PRIMA1: variants seen among roughly 807,000 people sequenced by gnomAD.
PRIMA1 encodes proline rich membrane anchor 1.
A neutral mutation model predicts 17.5 loss-of-function variants in PRIMA1; 7 were observed. That is an observed-to-expected ratio of 0.40 (90% CI 0.23 to 0.75). PRIMA1 has a LOEUF of 0.75. Ranked by LOEUF, PRIMA1 falls within the 30% of genes least tolerant of loss-of-function variation. PRIMA1 has a pLI of 0.37. For synonymous variants in PRIMA1, 97 were observed against 77.9 expected, an observed-to-expected ratio of 1.25 and a Z score of -1.29; for missense variants, 200 against 201.8, an observed-to-expected ratio of 0.99 and a Z score of 0.05.
At chr14:93,747,427 AT>A (rs2076225537) in intron 3 of PRIMA1, among the ~76,000 whole-genome samples, 1 of 152,058 alleles carries the variant, frequency 6.6e-6, no homozygotes, top group African/African-American at 2.4e-5. Context: ...GGAAATGGAA[AT>A]GGTGGGGATG....
At chr14:93,787,537 TG>T (rs144186506) in intron 2 of PRIMA1, 88 bp downstream of exon 2, 139,455 of 1,521,936 alleles carry the variant, frequency 0.092, 7,066 homozygotes, top group South Asian at 0.14. Flanking sequence ...GTGGGGTGGC[TG>T]CAAGAGGCCA....
At chr14:93,760,968 A>G (rs7158403) in intron 3 of PRIMA1, among the ~76,000 whole-genome samples, 22,861 of 151,844 alleles carry the variant, frequency 0.15, 2,949 homozygotes, top group African/African-American at 0.35. Context: ...CTCAGATGCC[A>G]GTGATTGTCT....
intron 3 of PRIMA1, among the ~76,000 whole-genome samples, chr14:93,767,454 T>A (rs1450246015): frequency 6.6e-6 from 1 of 152,082 alleles, no homozygotes; most frequent in Non-Finnish European, 1.5e-5. Flanking sequence ...CACTATCAGG[T>A]CCCAGAGCCC....
At chr14:93,775,275 GAC>G (rs1379868265) in intron 3 of PRIMA1, among the ~76,000 whole-genome samples, 2 of 152,250 alleles carry the variant, frequency 1.3e-5, no homozygotes, top group Admixed American at 6.5e-5. Context: ...TTCTGCAAAT[GAC>G]AGTCCACTGG....
chr14:93,762,569 CT>C (rs947213559), intron 3 of PRIMA1, among the ~76,000 whole-genome samples: 1 of 152,146 alleles, frequency 6.6e-6, no homozygotes, highest in African/African-American at 2.4e-5. Flanking sequence ...CACATCCCCC[CT>C]GGTGCCACCT....
intron 2 of PRIMA1, among the ~76,000 whole-genome samples, chr14:93,781,002 G>GC (rs34370848): frequency 0.049 from 7,391 of 152,304 alleles, 549 homozygotes; most frequent in African/African-American, 0.16. Context: ...GGCAGGGAGA[G>GC]CCCCCCGGGG....
intron 3 of PRIMA1, among the ~76,000 whole-genome samples, chr14:93,756,263 C>T (rs1374605437): frequency 2.0e-5 from 3 of 152,078 alleles, no homozygotes; most frequent in East Asian, 3.8e-4. Flanking sequence ...AAACACTGGG[C>T]GTGGCTCATT....
Position 93,779,207 on chromosome 14 carries a change from G to A in PRIMA1, c.198C>T (p.Pro66=). 7.4e-7 allele frequency: 1 copy of A among 1,349,520 alleles called. No homozygotes were observed. The highest frequency in any genetic ancestry group is 9.8e-7 in the Non-Finnish European group (1 of 1,020,248). 83.6% of individuals were successfully genotyped at this position (1,349,520 alleles called of 1,614,324 possible). ...PPPPLPPPPP[P]PPPPRLLSAP... Reference sequence around the variant, plus strand: ...CGGAGAGGAGTCTGGGAGGTGGCGGGGGTGGGGGCGGCGGGGGCAGCGGGG... The same window carrying A: ...CGGAGAGGAGTCTGGGAGGTGGCGGAGGTGGGGGCGGCGGGGGCAGCGGGG... The change falls in exon 3 of 5, where the codon CCC becomes CCT. Residue 66 remains proline, a synonymous_variant. Transcript: ENST00000393140.
chr14:93,721,734 C>G (rs1469991848), intron 4 of PRIMA1, among the ~76,000 whole-genome samples, 188 bp from the exon 5 acceptor site: 2 of 152,158 alleles, frequency 1.3e-5, no homozygotes, highest in Non-Finnish European at 2.9e-5. Flanking sequence ...TAATCAGAAG[C>G]TGGACGTGGT....
intron 3 of PRIMA1, among the ~76,000 whole-genome samples, chr14:93,745,399 C>T (rs532292529): frequency 6.6e-6 from 1 of 152,350 alleles, no homozygotes; most frequent in East Asian, 1.9e-4. Context: ...CCCACCCTCA[C>T]TGCTGTACGA....
chr14:93,720,793 T>C lies in PRIMA1; in HGVS notation c.*651A>G, dbSNP rs1211581991. 6.6e-6 allele frequency: 1 copy of C among 152,352 alleles called. No individual in the cohort carries two copies. The highest frequency in any genetic ancestry group is 3.1e-3 in the Middle Eastern group (1 of 318). 9.4% of individuals were successfully genotyped at this position (152,352 alleles called of 1,614,324 possible). Reference sequence around the variant, plus strand: ...ACTCCTGTGTCTGCTCAGGAGGGGATTCTGCAGGCTGGACTCACAGCCCTC... The same window carrying C: ...ACTCCTGTGTCTGCTCAGGAGGGGACTCTGCAGGCTGGACTCACAGCCCTC... On this transcript the variant is annotated 3_prime_UTR_variant, in exon 5 of 5. Transcript: ENST00000393140.
At chr14:93,746,455 T>G (rs1047604996) in intron 3 of PRIMA1, among the ~76,000 whole-genome samples, 1 of 151,244 alleles carries the variant, frequency 6.6e-6, no homozygotes, top group Non-Finnish European at 1.5e-5. Context: ...ATGGCTGGAG[T>G]GCAGGCCCGG....
intron 4 of PRIMA1, among the ~76,000 whole-genome samples, chr14:93,722,648 G>T (rs554171653): frequency 6.9e-6 from 1 of 145,434 alleles, no homozygotes; most frequent in Non-Finnish European, 1.5e-5. Flanking sequence ...GGCAGTGGTG[G>T]TGGCGATGGT....
chr14:93,747,929 GATT>G (rs202154644), intron 3 of PRIMA1, among the ~76,000 whole-genome samples: 1,401 of 104,054 alleles, frequency 0.013, 30 homozygotes, highest in African/African-American at 0.038. Context: ...TGTGGAGTGT[GATT>G]ATGTGAGTGT....
intron 3 of PRIMA1, among the ~76,000 whole-genome samples, chr14:93,747,427 A>G (rs1293784769): frequency 1.3e-5 from 2 of 152,058 alleles, no homozygotes; most frequent in African/African-American, 4.8e-5. Context: ...GGAAATGGAA[A>G]TGGTGGGGAT....
chr14:93,754,334 A>G (rs1233702028), intron 3 of PRIMA1, among the ~76,000 whole-genome samples: 1 of 151,320 alleles, frequency 6.6e-6, no homozygotes, highest in Non-Finnish European at 1.5e-5. Context: ...TCTTTCTATC[A>G]TGTCCCACTG....
At chr14:93,762,132 G>A (rs1884751305) in intron 3 of PRIMA1, among the ~76,000 whole-genome samples, 1 of 152,160 alleles carries the variant, frequency 6.6e-6, no homozygotes, top group African/African-American at 2.4e-5. Flanking sequence ...CCAGTCCTGG[G>A]ACCCTGTGGG....
chr14:93,768,273 G>A (rs1174865994), intron 3 of PRIMA1, among the ~76,000 whole-genome samples: 1 of 152,108 alleles, frequency 6.6e-6, no homozygotes, highest in Non-Finnish European at 1.5e-5. Context: ...CATATTAGTG[G>A]CCGTGTTGGC....
chr14:93,729,018 A>T (rs1049672486), intron 4 of PRIMA1, among the ~76,000 whole-genome samples: 2 of 152,054 alleles, frequency 1.3e-5, no homozygotes, highest in Non-Finnish European at 2.9e-5. Flanking sequence ...TGGATGGAGG[A>T]TGTGGGTGTG....
Sources: allele counts gnomAD v4.1 joint callset (sites outside exome capture counted in the v4.1 genomes callset), GRCh38; gene constraint gnomAD v4.1.1; transcripts MANE v1.5; gene names NCBI Gene and HGNC (gene_info 2026-07-23, HGNC 2026-07-21).